The following CSMD1 variants were observed in gnomAD, a reference collection of about 807,000 sequenced individuals.
The protein encoded by CSMD1 is CUB and Sushi multiple domains 1, also known as CUB and sushi domain-containing protein 1.
Under a neutral mutation model 417.5 loss-of-function variants are expected in CSMD1, and 213 were observed. The ratio of observed to expected loss-of-function variants is 0.51; its 90% CI spans 0.46 to 0.57. The LOEUF is 0.57. CSMD1 is among the 20% of genes least tolerant of loss of function. CSMD1 has a pLI of 0.00. For missense variants in CSMD1, 6,923 were observed against 4,529.7 expected, an observed-to-expected ratio of 1.53 and a Z score of -15.17; for synonymous variants, 2,862 against 1,736.8, an observed-to-expected ratio of 1.65 and a Z score of -16.11.
At chr8:4,648,452 T>C (rs879544277) in intron 1 of CSMD1, among the ~76,000 whole-genome samples, 1 of 152,196 alleles carries the variant, frequency 6.6e-6, no homozygotes, top group African/African-American at 2.4e-5. Flanking sequence ...GGGCATGAAA[T>C]AGATCTTCCT....
At chr8:3,328,172 G>C (rs1008609496) in intron 23 of CSMD1, among the ~76,000 whole-genome samples, 32 of 152,140 alleles carry the variant, frequency 2.1e-4, no homozygotes, top group Admixed American at 3.9e-4. Context: ...CTGGTTCTTG[G>C]ATGCATCTCT....
At chr8:4,218,260 G>C (rs1800804591) in intron 3 of CSMD1, among the ~76,000 whole-genome samples, 2 of 152,078 alleles carry the variant, frequency 1.3e-5, no homozygotes, top group Admixed American at 6.5e-5. Flanking sequence ...TATCTGAATT[G>C]CGTGTGACAA....
intron 16 of CSMD1, among the ~76,000 whole-genome samples, chr8:3,397,556 C>A (rs568797842): frequency 6.6e-6 from 1 of 152,268 alleles, no homozygotes; most frequent in South Asian, 2.1e-4. Flanking sequence ...CCACAGGCTG[C>A]CACATTTGGG....
chr8:3,226,613 C>T (rs1798520073), intron 27 of CSMD1, among the ~76,000 whole-genome samples: 1 of 149,278 alleles, frequency 6.7e-6, no homozygotes, highest in Non-Finnish European at 1.5e-5. Flanking sequence ...TCGTTAATGT[C>T]CTTTGGTCTA....
chr8:4,716,655 A>G (rs1479702598), intron 1 of CSMD1, among the ~76,000 whole-genome samples: 3 of 152,230 alleles, frequency 2.0e-5, no homozygotes, highest in African/African-American at 4.8e-5. Flanking sequence ...TTCAGCATTT[A>G]AGAAAAGTAT....
intron 1 of CSMD1, among the ~76,000 whole-genome samples, chr8:4,857,438 G>C (rs1387179262): frequency 1.3e-5 from 2 of 152,060 alleles, no homozygotes; most frequent in Non-Finnish European, 2.9e-5. Context: ...GAAGGAAATA[G>C]AGATACAAAA....
rs1250382256 is a variant in CSMD1 at position 3,930,284 on chromosome 8, C to G, written c.818+67619G>C. ...TAATTAGGAATAAATAGTAACTTCT[C>G]TTAGAAGCAAACTTTATTCAAAGAC... is the stretch of plus-strand genomic sequence containing the variant. On this transcript the variant is annotated intron_variant, in intron 5 of 69. Coordinates refer to ENST00000635120, the MANE Select transcript of CSMD1 (RefSeq NM_033225.6). Among the ~76,000 whole-genome samples the G allele has an allele frequency of 3.3e-5, 5 of 150,352 alleles. 1 individual carries two copies. The highest frequency in any genetic ancestry group is 7.4e-5 in the Non-Finnish European group (5 of 67,510).
intron 3 of CSMD1, among the ~76,000 whole-genome samples, chr8:4,212,902 G>C (rs762380630): frequency 6.6e-6 from 1 of 151,930 alleles, no homozygotes; most frequent in Non-Finnish European, 1.5e-5. Flanking sequence ...GGCTGAGCTG[G>C]AAAGAAGACA....
chr8:4,800,915 G>T (rs1175057779), intron 1 of CSMD1, among the ~76,000 whole-genome samples: 2 of 152,206 alleles, frequency 1.3e-5, no homozygotes, highest in African/African-American at 4.8e-5. Context: ...CACAGATTCT[G>T]TAATATCGGA....
chr8:3,805,642 G>A (rs935867551), intron 5 of CSMD1, among the ~76,000 whole-genome samples: 1 of 152,148 alleles, frequency 6.6e-6, no homozygotes, highest in Non-Finnish European at 1.5e-5. Flanking sequence ...TTGGTGGGGA[G>A]TAAAATGAAG....
At chr8:3,068,143 T>A (rs2128997044) in intron 49 of CSMD1, among the ~76,000 whole-genome samples, 1 of 152,348 alleles carries the variant, frequency 6.6e-6, no homozygotes, top group Non-Finnish European at 1.5e-5. Flanking sequence ...GAACAGAGGT[T>A]CAAACACTGT....
chr8:4,008,581 G>C (rs184349366), intron 4 of CSMD1, among the ~76,000 whole-genome samples: 15 of 126,594 alleles, frequency 1.2e-4, no homozygotes, highest in East Asian at 1.0e-3. Flanking sequence ...ACATGATTCA[G>C]TATTTTCTTT....
At chr8:3,408,300 G>C (rs1048614219) in intron 13 of CSMD1, 75 bp from the exon 14 acceptor site, 1 of 1,210,560 alleles carries the variant, frequency 8.3e-7, no homozygotes, top group African/African-American at 1.5e-5. Context: ...AGACAGCTAA[G>C]AACCTGGAAA....
rs181782704 is a variant in CSMD1, at chr8:3,381,044, A to G, written c.2782+6450T>C. 2.9e-3 allele frequency among the ~76,000 whole-genome samples: 438 copies of G among 152,318 alleles called. 2 individuals carry two copies. Among genetic ancestry groups the G allele is most frequent in the African/African-American group, 0.01 (421 of 41,570 alleles). ...ACTTACAATCAAAATTATGTATCTC[A>G]AATGAGTCAGGCAAAGTCTCTTGCT... On this transcript the variant is annotated intron_variant, in intron 18 of 69. Transcript: ENST00000635120.
At chr8:4,089,034 A>G (rs1001443798) in intron 3 of CSMD1, among the ~76,000 whole-genome samples, 1 of 152,232 alleles carries the variant, frequency 6.6e-6, no homozygotes, top group African/African-American at 2.4e-5. Flanking sequence ...TTATTCTTGT[A>G]GAGAATGAAG....
chr8:3,644,923 T>A (rs1437567753), intron 7 of CSMD1, among the ~76,000 whole-genome samples: 1 of 144,242 alleles, frequency 6.9e-6, no homozygotes, highest in Non-Finnish European at 1.5e-5. Flanking sequence ...TGCCCACATT[T>A]TCCCTGGAAA....
intron 37 of CSMD1, among the ~76,000 whole-genome samples, chr8:3,177,400 G>C (rs1293258102): frequency 1.3e-5 from 2 of 152,154 alleles, no homozygotes; most frequent in Non-Finnish European, 2.9e-5. Context: ...CTGAAGCTTT[G>C]CTCTTAGGAA....
chr8:4,038,143 G>A (rs75489766), intron 3 of CSMD1, among the ~76,000 whole-genome samples: 1 of 152,206 alleles, frequency 6.6e-6, no homozygotes, highest in East Asian at 1.9e-4. Context: ...ACTGATTGGT[G>A]ACACAAAGTT....
At chr8:4,418,354 T>C (rs930531840) in intron 3 of CSMD1, among the ~76,000 whole-genome samples, 1 of 152,164 alleles carries the variant, frequency 6.6e-6, no homozygotes, top group African/African-American at 2.4e-5. Context: ...CTTGCCCTAT[T>C]TTCTTCATTA....
Sources: gnomAD v4.1 joint callset for allele counts (sites outside exome capture counted in the v4.1 genomes callset) on GRCh38, gnomAD v4.1.1 for gene constraint, MANE v1.5 for transcripts, NCBI Gene and HGNC (gene_info 2026-07-23, HGNC 2026-07-21) for gene names.